R3HDM2: variants seen among roughly 807,000 people sequenced by gnomAD.
R3HDM2 encodes R3H domain containing 2.
Under a neutral mutation model 124.5 loss-of-function variants are expected in R3HDM2, and 38 were observed. That is an observed-to-expected ratio of 0.31 (90% CI 0.24 to 0.40). The LOEUF (loss-of-function observed/expected upper bound fraction) is 0.40, where lower values mean the gene tolerates loss of function less well. Ranked by LOEUF, R3HDM2 falls within the 10% of genes least tolerant of loss-of-function variation. The pLI, the probability that R3HDM2 is intolerant of heterozygous loss-of-function variation, is 1.00. For synonymous variants in R3HDM2, 391 were observed against 448.0 expected (o/e 0.87, Z 1.61); for missense variants, 869 against 1,236.9 (o/e 0.70, Z 4.46).
chr12:57,268,696 A>G (rs772479192), intron 17 of R3HDM2: 35 of 694,324 alleles, frequency 5.0e-5, no homozygotes, highest in Non-Finnish European at 7.0e-5. Context: ...TTTAGCCACT[A>G]CTTTCCTGGG....
intron 3 of R3HDM2, among the ~76,000 whole-genome samples, chr12:57,305,442 T>G (rs1025070628): frequency 5.3e-4 from 81 of 152,284 alleles, no homozygotes; most frequent in African/African-American, 1.9e-3. Context: ...TGTAGTCCAT[T>G]TAAAAGTTTT....
chr12:57,272,604 G>T, intron 14 of R3HDM2: 1 of 561,648 alleles, frequency 1.8e-6, no homozygotes, highest in Non-Finnish European at 2.5e-6. Context: ...AAAGAGAGGT[G>T]GGAAGCGGGG....
intron 2 of R3HDM2, among the ~76,000 whole-genome samples, chr12:57,357,991 T>C (rs1485137039): frequency 6.6e-6 from 1 of 151,806 alleles, no homozygotes; most frequent in East Asian, 1.9e-4. Context: ...TTTCTTTTTT[T>C]TTTTTTAGAC....
rs2046734393 is a variant in R3HDM2 at position 57,283,810 on chromosome 12, A to G, written c.1171+14T>C. On this transcript the variant is annotated intron_variant, in intron 13 of 23. Coordinates refer to ENST00000402412, the MANE Select transcript of R3HDM2 (RefSeq NM_001394031.1). ...AGGGATGGGTATGACATGGAAGAAA[A>G]GAAGCTGTAATACCTGGCCTGGAGA... The G allele has an allele frequency of 6.2e-7, 1 of 1,611,072 alleles. No homozygotes were observed. The highest frequency in any genetic ancestry group is 1.1e-5 in the South Asian group (1 of 91,034).
intron 2 of R3HDM2, among the ~76,000 whole-genome samples, chr12:57,327,127 T>C (rs938909134): frequency 1.1e-4 from 17 of 152,194 alleles, no homozygotes; most frequent in Non-Finnish European, 2.2e-4. Context: ...CTGCAGCCCA[T>C]GGATCAAGGA....
rs1014732295 is a variant in R3HDM2, at chr12:57,270,000, G to A, written c.1345-6C>T. The A allele has an allele frequency of 1.9e-6, 3 of 1,614,186 alleles. No individual in the cohort carries two copies. Among genetic ancestry groups the A allele is most frequent in the Non-Finnish European group, 2.5e-6 (3 of 1,180,026 alleles). On this transcript the variant is annotated splice_polypyrimidine_tract_variant and splice_region_variant and intron_variant, in intron 14 of 23. Coordinates refer to ENST00000402412, the MANE Select transcript of R3HDM2 (RefSeq NM_001394031.1). ...GGGTTGCTGAGGTCATCTGCCTGTT[G>A]AGAGAGTATAAGACACAGGATTGGG...
chr12:57,404,284 G>A (rs370731959), intron 1 of R3HDM2, among the ~76,000 whole-genome samples: 2 of 150,214 alleles, frequency 1.3e-5, no homozygotes, highest in African/African-American at 2.4e-5. Flanking sequence ...GGCTGGTCTC[G>A]AACTCCCAAC....
chr12:57,395,683 A>G (rs1262706408), intron 2 of R3HDM2, 66 bp downstream of exon 2: 1 of 638,638 alleles, frequency 1.6e-6, no homozygotes, highest in East Asian at 1.4e-4. Flanking sequence ...ATTAAATGAG[A>G]ACAGATGTAT....
intron 1 of R3HDM2, among the ~76,000 whole-genome samples, chr12:57,429,269 G>C (rs1418645560): frequency 6.6e-6 from 1 of 151,992 alleles, no homozygotes; most frequent in East Asian, 1.9e-4. Flanking sequence ...TGGACACAAA[G>C]ACAAATGGAA....
intron 2 of R3HDM2, among the ~76,000 whole-genome samples, chr12:57,321,914 A>C (rs903784012): frequency 3.3e-5 from 5 of 152,162 alleles, no homozygotes; most frequent in Admixed American, 6.5e-5. Flanking sequence ...CAGTGGTTAC[A>C]TGGGTGAATA....
intron 2 of R3HDM2, among the ~76,000 whole-genome samples, chr12:57,370,328 T>G (rs2137909081): frequency 6.7e-6 from 1 of 149,672 alleles, no homozygotes; most frequent in East Asian, 2.0e-4. Flanking sequence ...ACGCGGAACT[T>G]CCTGTGAGCC....
At chr12:57,273,000 G>A (rs2043932711) in intron 14 of R3HDM2, among the ~76,000 whole-genome samples, 1 of 152,140 alleles carries the variant, frequency 6.6e-6, no homozygotes, top group African/African-American at 2.4e-5. Flanking sequence ...TGTCTGCACT[G>A]CTGCACTGCT....
At chr12:57,425,403 C>A (rs558150884) in intron 1 of R3HDM2, among the ~76,000 whole-genome samples, 2 of 152,216 alleles carry the variant, frequency 1.3e-5, no homozygotes, top group Non-Finnish European at 2.9e-5. Context: ...ATTCTTGCAC[C>A]TCCCATTAAC....
At chr12:57,336,240 ATGG>A (rs2136794426) in intron 2 of R3HDM2, among the ~76,000 whole-genome samples, 1 of 152,254 alleles carries the variant, frequency 6.6e-6, no homozygotes, top group African/African-American at 2.4e-5. Context: ...AAGCAGTATG[ATGG>A]TTCCTCAAAG....
intron 3 of R3HDM2, among the ~76,000 whole-genome samples, chr12:57,309,544 G>A (rs1162363318): frequency 6.6e-6 from 1 of 152,206 alleles, no homozygotes; most frequent in Non-Finnish European, 1.5e-5. Context: ...TTACCAAGTG[G>A]CAAGTTCAGA....
At chr12:57,326,432 T>A (rs964983991) in intron 2 of R3HDM2, among the ~76,000 whole-genome samples, 1 of 152,110 alleles carries the variant, frequency 6.6e-6, no homozygotes, top group African/African-American at 2.4e-5. Context: ...AACACACAAA[T>A]GGTAAGAAAG....
intron 2 of R3HDM2, 64 bp downstream of exon 2, chr12:57,395,685 C>T (rs2067405159): frequency 1.5e-6 from 1 of 647,472 alleles, no homozygotes; most frequent in Admixed American, 6.3e-5. Context: ...TAAATGAGAA[C>T]AGATGTATAA....
chr12:57,422,245 T>C (rs2139590546), intron 1 of R3HDM2, among the ~76,000 whole-genome samples: 1 of 151,972 alleles, frequency 6.6e-6, no homozygotes, highest in South Asian at 2.1e-4. Flanking sequence ...AGTCTCCAAA[T>C]TGCTATAAGA....
chr12:57,397,708 T>G (rs1030478014), intron 1 of R3HDM2, among the ~76,000 whole-genome samples: 5 of 152,148 alleles, frequency 3.3e-5, no homozygotes, highest in Non-Finnish European at 7.3e-5. Context: ...TATTTACTAG[T>G]TTCCTTTCCC....
Sources: allele counts gnomAD v4.1 joint callset (sites outside exome capture counted in the v4.1 genomes callset), GRCh38; gene constraint gnomAD v4.1.1; transcripts MANE v1.5; gene names NCBI Gene and HGNC (gene_info 2026-07-23, HGNC 2026-07-21).